The following GABRB2 variants were observed in gnomAD, a reference collection of about 807,000 sequenced individuals.
GABRB2 encodes gamma-aminobutyric acid type A receptor subunit beta2, also known as gamma-aminobutyric acid receptor subunit beta-2.
A neutral mutation model predicts 54.7 loss-of-function variants in GABRB2; 16 were observed. The observed-to-expected ratio is 0.29, with a 90% CI of 0.20 to 0.44. The LOEUF is 0.44. Ranked by LOEUF, GABRB2 falls within the 20% of genes least tolerant of loss-of-function variation. The probability of loss-of-function intolerance (pLI) is 1.00; values close to 1 mark genes in which losing one functional copy is unlikely to be tolerated. For missense variants in GABRB2, 355 were observed against 644.0 expected, an observed-to-expected ratio of 0.55 and a Z score of 4.86; for synonymous variants, 244 against 233.8, an observed-to-expected ratio of 1.04 and a Z score of -0.40.
At chr5:161,479,402 C>A (rs1758688285) in intron 3 of GABRB2, among the ~76,000 whole-genome samples, 1 of 151,364 alleles carries the variant, frequency 6.6e-6, no homozygotes, top group Non-Finnish European at 1.5e-5. Context: ...ATTGTGCAAC[C>A]TAATCAGCTC....
chr5:161,373,040 G>A (rs1755176327), intron 5 of GABRB2, among the ~76,000 whole-genome samples: 1 of 152,140 alleles, frequency 6.6e-6, no homozygotes, highest in Admixed American at 6.5e-5. Flanking sequence ...GTATTCCAAA[G>A]CAACACACTT....
At chr5:161,525,013 T>C (rs1222810214) in intron 3 of GABRB2, among the ~76,000 whole-genome samples, 1 of 151,370 alleles carries the variant, frequency 6.6e-6, no homozygotes, top group Non-Finnish European at 1.5e-5. Flanking sequence ...TTCTATTTTA[T>C]GTTGTAGTTA....
chr5:161,459,109 G>A (rs1178898263), intron 4 of GABRB2: 1 of 156,352 alleles, frequency 6.4e-6, no homozygotes, highest in African/African-American at 2.4e-5. Flanking sequence ...TCCTGACATA[G>A]AGGTATATTT....
intron 5 of GABRB2, among the ~76,000 whole-genome samples, chr5:161,401,524 T>A (rs1756190644): frequency 6.6e-6 from 1 of 152,146 alleles, no homozygotes; most frequent in Admixed American, 6.6e-5. Flanking sequence ...TGATACCTTA[T>A]AAAATAGATA....
chr5:161,313,174 A>G (rs978100345), intron 9 of GABRB2, among the ~76,000 whole-genome samples: 3 of 152,168 alleles, frequency 2.0e-5, no homozygotes, highest in African/African-American at 7.2e-5. Context: ...GCGATACTGG[A>G]GGCCTGGAAT....
chr5:161,332,221 CTGAATGA>C, intron 7 of GABRB2, among the ~76,000 whole-genome samples: 1 of 146,474 alleles, frequency 6.8e-6, no homozygotes, highest in South Asian at 2.2e-4. Flanking sequence ...AGTAATCCAA[CTGAATGA>C]TGGAAGTGAA....
At chr5:161,342,600 AT>A (rs1754205899) in intron 5 of GABRB2, among the ~76,000 whole-genome samples, 1 of 152,012 alleles carries the variant, frequency 6.6e-6, no homozygotes, top group South Asian at 2.1e-4. Context: ...AACCATATAC[AT>A]TTTTTAGCAT....
chr5:161,303,521 G>A (rs1757597451), intron 9 of GABRB2, among the ~76,000 whole-genome samples: 1 of 152,174 alleles, frequency 6.6e-6, no homozygotes, highest in Non-Finnish European at 1.5e-5. Flanking sequence ...AAGTGAACAT[G>A]TATAGCTTTA....
At chr5:161,416,399 C>T (rs1756666333) in intron 4 of GABRB2, among the ~76,000 whole-genome samples, 7 of 151,964 alleles carry the variant, frequency 4.6e-5, no homozygotes, top group Admixed American at 4.6e-4. Flanking sequence ...TTAAGAGGGG[C>T]TTCAGGACTA....
At position 161,487,880 on chromosome 5, in the gene GABRB2, A is replaced by T. The variant is rs186797685; in HGVS notation, c.238-28036T>A. 8.6e-5 allele frequency among the ~76,000 whole-genome samples: 13 copies of T among 151,994 alleles called. No individual in the cohort carries two copies. In the East Asian group the frequency reaches 2.5e-3, roughly 30 times the overall value. ...CTTACAATTTGTACTTTTACTACCC[A>T]TGAGTTCGAAGAAGAGTTTGGCAGT... On this transcript the variant is annotated intron_variant, in intron 3 of 9. Transcript: ENST00000393959.
chr5:161,505,299 T>A (rs1001080524), intron 3 of GABRB2, among the ~76,000 whole-genome samples: 1 of 151,912 alleles, frequency 6.6e-6, no homozygotes, highest in Non-Finnish European at 1.5e-5. Flanking sequence ...CCCGACAAAT[T>A]TTTGTATTTT....
chr5:161,446,066 A>T (rs1461809564), intron 4 of GABRB2, among the ~76,000 whole-genome samples: 3 of 152,166 alleles, frequency 2.0e-5, no homozygotes, highest in Non-Finnish European at 2.9e-5. Context: ...TCTTTATCAT[A>T]TTATTATGTT....
intron 3 of GABRB2, among the ~76,000 whole-genome samples, chr5:161,486,341 A>T (rs1436553578): frequency 2.0e-5 from 3 of 151,976 alleles, no homozygotes; most frequent in African/African-American, 7.2e-5. Flanking sequence ...TAGAGTTCAC[A>T]GAGTTTGGTC....
At chr5:161,490,838 T>G (rs1160429971) in intron 3 of GABRB2, among the ~76,000 whole-genome samples, 1 of 151,764 alleles carries the variant, frequency 6.6e-6, no homozygotes, top group Non-Finnish European at 1.5e-5. Flanking sequence ...CTTTCTCACG[T>G]GCTTATTGTT....
At chr5:161,332,105 G>T (rs1188370635) in intron 7 of GABRB2, among the ~76,000 whole-genome samples, 3 of 146,008 alleles carry the variant, frequency 2.1e-5, no homozygotes, top group Non-Finnish European at 3.0e-5. Flanking sequence ...GGCGGAGCTT[G>T]CAGTGAGCCG....
intron 3 of GABRB2, among the ~76,000 whole-genome samples, chr5:161,501,034 T>C (rs894664189): frequency 1.3e-5 from 2 of 150,648 alleles, no homozygotes; most frequent in Admixed American, 6.6e-5. Flanking sequence ...CCTTCCTGTG[T>C]CCATGTGTAT....
intron 5 of GABRB2, among the ~76,000 whole-genome samples, chr5:161,348,114 C>G (rs1420795541): frequency 6.6e-6 from 1 of 152,022 alleles, no homozygotes; most frequent in Admixed American, 6.6e-5. Context: ...TATTCTAAAA[C>G]AGCAATTCTC....
At chr5:161,400,543 G>T (rs1022196575) in intron 5 of GABRB2, among the ~76,000 whole-genome samples, 2 of 152,044 alleles carry the variant, frequency 1.3e-5, no homozygotes, top group African/African-American at 2.4e-5. Flanking sequence ...GGGAAAATTA[G>T]CATTAGAAAC....
chr5:161,380,865 TA>T (rs5872710), intron 5 of GABRB2, among the ~76,000 whole-genome samples: 19 of 148,382 alleles, frequency 1.3e-4, no homozygotes, highest in Non-Finnish European at 2.1e-4. Context: ...TTTACAAGGG[TA>T]AAAAAAAAAG....
Sources: allele counts gnomAD v4.1 joint callset (sites outside exome capture counted in the v4.1 genomes callset), GRCh38; gene constraint gnomAD v4.1.1; transcripts MANE v1.5; gene names NCBI Gene and HGNC (gene_info 2026-07-23, HGNC 2026-07-21).